Variants in UNC5C observed in about 807,000 individuals in gnomAD.
UNC5C encodes the protein netrin receptor UNC5C.
Under a neutral mutation model 99.8 loss-of-function variants are expected in UNC5C, and 47 were observed. That is an observed-to-expected ratio of 0.47 (90% CI 0.37 to 0.60). The LOEUF is 0.60. Among genes scored for constraint, UNC5C ranks in the 20% least tolerant of loss-of-function variants. UNC5C has a pLI of 0.00. For synonymous variants in UNC5C, 487 were observed against 452.2 expected (o/e 1.08, Z -0.98); for missense variants, 1,062 against 1,165.9 (o/e 0.91, Z 1.30).
Position 95,186,823 on chromosome 4 carries a change from C to G in UNC5C, c.2137-1627G>C, listed in dbSNP as rs377577803. ...GACAGGAGCCCGAGCAGTCAGCCAG[C>G]CCCCAGCCACAGTCAGCCAGACACC... is the stretch of plus-strand genomic sequence containing the variant. On this transcript the variant is annotated intron_variant, in intron 12 of 15. Coordinates refer to ENST00000453304, the MANE Select transcript of UNC5C (RefSeq NM_003728.4). Among the ~76,000 whole-genome samples the G allele has an allele frequency of 2.8e-4, 43 of 152,170 alleles. No homozygotes were observed. In the East Asian group the frequency reaches 7.0e-3, roughly 25 times the overall value.
chr4:95,177,304 A>G (rs1305906285), intron 14 of UNC5C, among the ~76,000 whole-genome samples: 1 of 152,178 alleles, frequency 6.6e-6, no homozygotes, highest in Non-Finnish European at 1.5e-5. Flanking sequence ...ACTAGTTGCC[A>G]GAGGATGAAC....
chr4:95,327,671 G>A (rs1393313605), intron 2 of UNC5C, among the ~76,000 whole-genome samples: 1 of 152,046 alleles, frequency 6.6e-6, no homozygotes, highest in African/African-American at 2.4e-5. Context: ...TTCCCCTGTA[G>A]CCCCAGTGAT....
chr4:95,414,839 G>A (rs1746113195), intron 1 of UNC5C, among the ~76,000 whole-genome samples: 1 of 152,106 alleles, frequency 6.6e-6, no homozygotes, highest in Admixed American at 6.6e-5. Context: ...TCTTCAAGGA[G>A]GTTATACAGT....
intron 1 of UNC5C, among the ~76,000 whole-genome samples, chr4:95,542,517 C>A (rs957197985): frequency 2.0e-5 from 3 of 152,240 alleles, no homozygotes; most frequent in Non-Finnish European, 2.9e-5. Flanking sequence ...ACACTATGTA[C>A]TCCATGTAGA....
intron 1 of UNC5C, among the ~76,000 whole-genome samples, chr4:95,433,754 T>A (rs1001339681): frequency 6.6e-6 from 1 of 152,106 alleles, no homozygotes; most frequent in Non-Finnish European, 1.5e-5. Flanking sequence ...GACAAATGCA[T>A]CCAAACTCAT....
At chr4:95,451,961 A>C (rs1397384204) in intron 1 of UNC5C, among the ~76,000 whole-genome samples, 1 of 152,196 alleles carries the variant, frequency 6.6e-6, no homozygotes. Flanking sequence ...TCTGTAAGTC[A>C]GAAAAGAATA....
chr4:95,432,772 C>T (rs1746667680), intron 1 of UNC5C, among the ~76,000 whole-genome samples: 1 of 152,056 alleles, frequency 6.6e-6, no homozygotes, highest in African/African-American at 2.4e-5. Flanking sequence ...TCATTGAAAA[C>T]ATGGGGAGAT....
At chr4:95,489,083 G>C (rs1290432676) in intron 1 of UNC5C, among the ~76,000 whole-genome samples, 1 of 144,324 alleles carries the variant, frequency 6.9e-6, no homozygotes, top group African/African-American at 2.5e-5. Flanking sequence ...GGGAGGCAGG[G>C]AGAGAGGGAG....
At chr4:95,524,086 G>A (rs1239545578) in intron 1 of UNC5C, among the ~76,000 whole-genome samples, 1 of 152,134 alleles carries the variant, frequency 6.6e-6, no homozygotes, top group Non-Finnish European at 1.5e-5. Flanking sequence ...AAACATGTTG[G>A]AAAAGTTGAA....
intron 12 of UNC5C, 104 bp downstream of exon 12, chr4:95,202,627 A>G: frequency 1.8e-6 from 2 of 1,129,400 alleles, no homozygotes; most frequent in Non-Finnish European, 2.5e-6. Flanking sequence ...GTGTCCACAC[A>G]CTTGGGTGCA....
At chr4:95,365,891 A>T (rs1384985615) in intron 1 of UNC5C, among the ~76,000 whole-genome samples, 3 of 151,368 alleles carry the variant, frequency 2.0e-5, no homozygotes, top group African/African-American at 7.3e-5. Context: ...GTAAAAAGTG[A>T]TGTGATTTTT....
rs183449176 is a variant in UNC5C, at chr4:95,251,783, G to T, written c.595-1116C>A. Among the ~76,000 whole-genome samples, 174 of 152,306 alleles carry T rather than the reference G, an allele frequency of 1.1e-3. 1 individual carries two copies. The highest frequency in any genetic ancestry group is 2.9e-3 in the Admixed American group (44 of 15,288). ...TAGAAATTAATCTCTAAATCTGTCA[G>T]TGGGTTTGACATTGCACAACTCTAA... On this transcript the variant is annotated intron_variant, in intron 4 of 15. Coordinates refer to ENST00000453304, the MANE Select transcript of UNC5C (RefSeq NM_003728.4).
intron 1 of UNC5C, among the ~76,000 whole-genome samples, chr4:95,488,737 G>C (rs1003251030): frequency 1.3e-5 from 2 of 151,446 alleles, no homozygotes; most frequent in East Asian, 3.9e-4. Context: ...TGAAACTTTG[G>C]GACCATCTGA....
chr4:95,218,819 T>A, intron 9 of UNC5C, 150 bp downstream of exon 9: 1 of 705,346 alleles, frequency 1.4e-6, no homozygotes, highest in Non-Finnish European at 2.3e-6. Context: ...TCTGAAGTAA[T>A]GTTCTGTTTA....
At chr4:95,173,095 C>T (rs1430661127) in intron 14 of UNC5C, among the ~76,000 whole-genome samples, 1 of 151,720 alleles carries the variant, frequency 6.6e-6, no homozygotes. Context: ...GATTTTGTAT[C>T]CTGAGACTTT....
intron 1 of UNC5C, among the ~76,000 whole-genome samples, chr4:95,338,332 C>A (rs906112786): frequency 1.3e-5 from 2 of 152,040 alleles, no homozygotes; most frequent in Non-Finnish European, 1.5e-5. Flanking sequence ...TGTATCCTAA[C>A]TTTTTTCTAT....
chr4:95,246,819 G>T, intron 5 of UNC5C, among the ~76,000 whole-genome samples: 1 of 151,870 alleles, frequency 6.6e-6, no homozygotes, highest in East Asian at 1.9e-4. Context: ...CAGTACTTTG[G>T]GAGGCCAAGA....
intron 7 of UNC5C, among the ~76,000 whole-genome samples, chr4:95,239,579 C>A (rs180875587): frequency 6.6e-6 from 1 of 152,238 alleles, no homozygotes; most frequent in Non-Finnish European, 1.5e-5. Flanking sequence ...CCACTCACAC[C>A]GTTACCTCTC....
chr4:95,184,030 G>T (rs370254549), intron 13 of UNC5C, among the ~76,000 whole-genome samples: 107 of 152,228 alleles, frequency 7.0e-4, no homozygotes, highest in African/African-American at 2.5e-3. Flanking sequence ...TTGTATAAAA[G>T]AAATTACTCC....
Sources: allele counts gnomAD v4.1 joint callset (sites outside exome capture counted in the v4.1 genomes callset), GRCh38; gene constraint gnomAD v4.1.1; transcripts MANE v1.5; gene names NCBI Gene and HGNC (gene_info 2026-07-23, HGNC 2026-07-21).